Variants in ANKRD45 observed in about 807,000 individuals in gnomAD.
ANKRD45 encodes the protein ankyrin repeat domain-containing protein 45.
Under a neutral mutation model 28.1 loss-of-function variants are expected in ANKRD45, and 21 were observed. The ratio of observed to expected loss-of-function variants is 0.75; its 90% CI spans 0.53 to 1.08. The LOEUF (loss-of-function observed/expected upper bound fraction) is 1.08. ANKRD45 is among the 50% of genes least tolerant of loss of function. ANKRD45 has a pLI of 0.00. For missense variants in ANKRD45, 261 were observed against 308.7 expected, an observed-to-expected ratio of 0.85 and a Z score of 1.16; for synonymous variants, 86 against 103.9, an observed-to-expected ratio of 0.83 and a Z score of 1.05.
chr1:173,693,180 A>C, the ANKRD45 span, among the ~76,000 whole-genome samples: 1 of 152,038 alleles, frequency 6.6e-6, no homozygotes, highest in Admixed American at 6.5e-5. Flanking sequence ...AGTGCCTGTA[A>C]TCTCAGCTAC....
In ANKRD45 at chr1:173,659,146, G is replaced by A. The variant is rs765097340; in HGVS notation, c.273C>T (p.Asp91=). ...CATATTTTGCCAAAGCTCTAATCAC[G>A]TCACTTTGCCCAGCCATGCAAGCTG... ...LYAACMAGQS[D]VIRALAKYGV... Residue 91 remains aspartate (D), a synonymous_variant, in exon 2 of 6, where the codon GAC becomes GAT. Transcript: ENST00000333279. The A allele has an allele frequency of 2.5e-5, 40 of 1,613,908 alleles. No homozygotes were observed. The highest frequency in any genetic ancestry group is 4.0e-5 in the African/African-American group (3 of 74,882).
At chr1:173,675,609 G>A in the ANKRD45 span, among the ~76,000 whole-genome samples, 11 of 151,930 alleles carry the variant, frequency 7.2e-5, no homozygotes, top group Non-Finnish European at 1.0e-4. Flanking sequence ...GGGAGACTCT[G>A]TCTCAAAAAG....
the ANKRD45 span, among the ~76,000 whole-genome samples, chr1:173,689,105 C>T: frequency 6.6e-6 from 1 of 152,186 alleles, no homozygotes; most frequent in Non-Finnish European, 1.5e-5. Flanking sequence ...CCTACTCTTC[C>T]TCTAAAGTCA....
intron 3 of ANKRD45, chr1:173,635,859 A>G: frequency 6.7e-7 from 1 of 1,495,006 alleles, no homozygotes; most frequent in Non-Finnish European, 9.0e-7. Context: ...AATTCGTGAT[A>G]CAAGTAGTAA....
intron 5 of ANKRD45, among the ~76,000 whole-genome samples, chr1:173,613,465 G>C (rs1240932818): frequency 2.9e-5 from 4 of 138,290 alleles, no homozygotes; most frequent in Admixed American, 1.4e-4. Context: ...GAGGTGGGGG[G>C]CAGCCCCCGC....
At chr1:173,635,909 T>A in intron 3 of ANKRD45, 1 of 1,224,662 alleles carries the variant, frequency 8.2e-7, no homozygotes, top group Non-Finnish European at 1.1e-6. Context: ...ATAATATTAC[T>A]AGTTTCTTTG....
At chr1:173,696,849 C>T in the ANKRD45 span, among the ~76,000 whole-genome samples, 2 of 151,948 alleles carry the variant, frequency 1.3e-5, no homozygotes, top group East Asian at 1.9e-4. Flanking sequence ...TTCAGAAGGT[C>T]GGTAATAATA....
rs142024738 is a variant in ANKRD45 at position 173,644,711 on chromosome 1, T to G, written c.496+2135A>C. Reference sequence around the variant, plus strand: ...AAAATGGATTTTAAATTATGGAATGTGGGCTGGGCATGGTGGCTCATGCCT... The same window carrying G: ...AAAATGGATTTTAAATTATGGAATGGGGGCTGGGCATGGTGGCTCATGCCT... On this transcript the variant is annotated intron_variant, in intron 3 of 5. Transcript: ENST00000333279. Among the ~76,000 whole-genome samples, 44 of 152,154 alleles carry G rather than the reference T, an allele frequency of 2.9e-4. No individual in the cohort carries two copies. In the East Asian group the frequency reaches 5.2e-3, roughly 18 times the overall value.
chr1:173,625,820 CAA>C (rs1333460736), intron 4 of ANKRD45, among the ~76,000 whole-genome samples: 1 of 151,808 alleles, frequency 6.6e-6, no homozygotes, highest in African/African-American at 2.4e-5. Flanking sequence ...AAACATAACA[CAA>C]AATTATTTTT....
At chr1:173,610,498 ACTTT>A (rs1311822878) in intron 5 of ANKRD45, among the ~76,000 whole-genome samples, 1 of 152,160 alleles carries the variant, frequency 6.6e-6, no homozygotes, top group Non-Finnish European at 1.5e-5. Context: ...TGTTGTCTTC[ACTTT>A]CTTCACTGCA....
At chr1:173,633,259 A>C (rs1668273930) in intron 3 of ANKRD45, among the ~76,000 whole-genome samples, 1 of 152,060 alleles carries the variant, frequency 6.6e-6, no homozygotes, top group Admixed American at 6.6e-5. Context: ...ATACAAAGAA[A>C]ATAAAATACT....
chr1:173,630,274 G>A (rs942473269), intron 3 of ANKRD45, among the ~76,000 whole-genome samples: 1 of 152,282 alleles, frequency 6.6e-6, no homozygotes, highest in South Asian at 2.1e-4. Context: ...TACTATGTAT[G>A]ACACTGTAAT....
At chr1:173,630,174 T>G (rs1668127048) in intron 3 of ANKRD45, among the ~76,000 whole-genome samples, 1 of 152,172 alleles carries the variant, frequency 6.6e-6, no homozygotes, top group Non-Finnish European at 1.5e-5. Flanking sequence ...AGTTTTTTAA[T>G]CTGAAAGAAA....
At chr1:173,614,844 A>C (rs1210649925) in intron 5 of ANKRD45, among the ~76,000 whole-genome samples, 1 of 151,300 alleles carries the variant, frequency 6.6e-6, no homozygotes, top group Non-Finnish European at 1.5e-5. Flanking sequence ...TTTGAGACAG[A>C]GTGTAGCTGT....
intron 3 of ANKRD45, among the ~76,000 whole-genome samples, chr1:173,643,612 A>G (rs1185680227): frequency 6.6e-6 from 1 of 152,182 alleles, no homozygotes; most frequent in Admixed American, 6.5e-5. Context: ...TTATAGATTA[A>G]TGTTTTTTTA....
chr1:173,696,421 CTTTAATCCATCTTGAG>C, the ANKRD45 span, among the ~76,000 whole-genome samples: 1 of 152,180 alleles, frequency 6.6e-6, no homozygotes, highest in Non-Finnish European at 1.5e-5. Context: ...ACATTTAAGC[CTTTAATCCATCTTGAG>C]TAAATTTTTG....
chr1:173,712,454 C>T, the ANKRD45 span, among the ~76,000 whole-genome samples: 1 of 152,168 alleles, frequency 6.6e-6, no homozygotes, highest in Non-Finnish European at 1.5e-5. Context: ...TAGATCCTAC[C>T]TCGAGAGGAC....
At chr1:173,670,895 T>G (rs1406403286), upstream of ANKRD45, among the ~76,000 whole-genome samples, 1 of 152,148 alleles carries the variant, frequency 6.6e-6, no homozygotes, top group Non-Finnish European at 1.5e-5. Flanking sequence ...CTTAGAGGCA[T>G]GAAGAACAGC....
At chr1:173,674,017 T>A (rs903075324), upstream of ANKRD45, among the ~76,000 whole-genome samples, 1 of 152,142 alleles carries the variant, frequency 6.6e-6, no homozygotes, top group Non-Finnish European at 1.5e-5. Context: ...ACCTTTCTTT[T>A]CTTTTTCTAG....
Sources: gnomAD v4.1 joint callset for allele counts (sites outside exome capture counted in the v4.1 genomes callset) on GRCh38, gnomAD v4.1.1 for gene constraint, MANE v1.5 for transcripts, NCBI Gene and HGNC (gene_info 2026-07-23, HGNC 2026-07-21) for gene names.